The following SLC4A8 variants were observed in gnomAD, a reference collection of about 807,000 sequenced individuals.
SLC4A8 encodes the protein solute carrier family 4 member 8, also known as electroneutral sodium bicarbonate exchanger 1.
In SLC4A8, 40 loss-of-function variants were observed where a neutral mutation model predicts 125.0. The observed-to-expected ratio is 0.32, with a 90% CI of 0.25 to 0.42. The LOEUF (loss-of-function observed/expected upper bound fraction) is 0.42. Among genes scored for constraint, SLC4A8 ranks in the 10% least tolerant of loss-of-function variants. SLC4A8 has a pLI of 1.00. For missense variants in SLC4A8, 863 were observed against 1,355.1 expected, an observed-to-expected ratio of 0.64 and a Z score of 5.70; for synonymous variants, 456 against 476.0, an observed-to-expected ratio of 0.96 and a Z score of 0.55.
At chr12:51,408,999 G>A (rs1948545672) in intron 1 of SLC4A8, among the ~76,000 whole-genome samples, 1 of 151,386 alleles carries the variant, frequency 6.6e-6, no homozygotes, top group Admixed American at 6.6e-5. Context: ...GAAATTTAAA[G>A]ATGAGTGAAA....
intron 2 of SLC4A8, among the ~76,000 whole-genome samples, chr12:51,447,816 A>G (rs1005238500): frequency 2.7e-5 from 4 of 148,438 alleles, no homozygotes; most frequent in Admixed American, 2.1e-4. Flanking sequence ...GCCCAGGTTC[A>G]TGCCATTCTC....
intron 2 of SLC4A8, among the ~76,000 whole-genome samples, chr12:51,449,961 C>A (rs1949908612): frequency 6.6e-6 from 1 of 151,978 alleles, no homozygotes; most frequent in Non-Finnish European, 1.5e-5. Flanking sequence ...CCCAGGAGTT[C>A]AAGGCTACAG....
chr12:51,413,052 C>G (rs879591711), intron 1 of SLC4A8, among the ~76,000 whole-genome samples: 8 of 152,192 alleles, frequency 5.3e-5, no homozygotes, highest in Non-Finnish European at 1.2e-4. Flanking sequence ...TAAGAGTTCC[C>G]TTTTCCCTGC....
At chr12:51,472,852 T>C (rs1293128448) in intron 14 of SLC4A8, among the ~76,000 whole-genome samples, 1 of 152,232 alleles carries the variant, frequency 6.6e-6, no homozygotes, top group Non-Finnish European at 1.5e-5. Context: ...TAAATGATTT[T>C]ATGTTAATAT....
upstream of SLC4A8, chr12:51,420,074 G>C (rs1304251935): frequency 1.3e-5 from 2 of 152,172 alleles, no homozygotes; most frequent in African/African-American, 4.8e-5. Flanking sequence ...GCTTGACAAA[G>C]AATCTCTCTC....
At chr12:51,392,874 G>A (rs1427448098) in intron 1 of SLC4A8, 1 of 152,234 alleles carries the variant, frequency 6.6e-6, no homozygotes, top group Non-Finnish European at 1.5e-5. Context: ...CAACAGAGAA[G>A]GAGCGCGCAT....
intron 1 of SLC4A8, among the ~76,000 whole-genome samples, chr12:51,436,304 A>T (rs1300993800): frequency 1.3e-5 from 2 of 152,174 alleles, no homozygotes; most frequent in African/African-American, 4.8e-5. Flanking sequence ...GATCTTTTAA[A>T]ATTCTTCTTT....
At chr12:51,393,053 A>C (rs200272929) in intron 1 of SLC4A8, among the ~76,000 whole-genome samples, 1 of 145,626 alleles carries the variant, frequency 6.9e-6, no homozygotes, top group African/African-American at 2.6e-5. Flanking sequence ...TTTCTTTCTT[A>C]CTCTCTCTGT....
At chr12:51,492,779 G>A (rs558755749) in intron 19 of SLC4A8, among the ~76,000 whole-genome samples, 17 of 152,064 alleles carry the variant, frequency 1.1e-4, no homozygotes, top group African/African-American at 3.9e-4. Context: ...CCTGTCAACC[G>A]ATCATCTAGG....
chr12:51,488,975 A>G, intron 18 of SLC4A8, 115 bp downstream of exon 18: 2 of 743,134 alleles, frequency 2.7e-6, no homozygotes, highest in Non-Finnish European at 4.4e-6. Context: ...AGAGGTTCAT[A>G]AGGGGTTTCC....
At chr12:51,500,750 T>G (rs372740535) in intron 22 of SLC4A8, among the ~76,000 whole-genome samples, 5 of 151,802 alleles carry the variant, frequency 3.3e-5, no homozygotes, top group East Asian at 1.9e-4. Flanking sequence ...GCAGTGGCGC[T>G]ATCTCGGCTC....
intron 1 of SLC4A8, among the ~76,000 whole-genome samples, chr12:51,402,345 C>A (rs1036353766): frequency 6.6e-6 from 1 of 152,136 alleles, no homozygotes; most frequent in Non-Finnish European, 1.5e-5. Flanking sequence ...GGAGAAGAAG[C>A]CCTGCTGTGC....
intron 1 of SLC4A8, chr12:51,425,363 C>T: frequency 8.6e-7 from 1 of 1,164,118 alleles, no homozygotes; most frequent in Non-Finnish European, 1.1e-6. Flanking sequence ...CGTCTGGCCT[C>T]GCGTTGTCCT....
intron 17 of SLC4A8, among the ~76,000 whole-genome samples, chr12:51,487,067 G>T (rs1208670079): frequency 6.6e-6 from 1 of 152,212 alleles, no homozygotes; most frequent in African/African-American, 2.4e-5. Flanking sequence ...GTTCCAAAGG[G>T]ATAGGCCTAA....
At chr12:51,481,228 A>T (rs1592255947) in intron 16 of SLC4A8, among the ~76,000 whole-genome samples, 2 of 151,796 alleles carry the variant, frequency 1.3e-5, no homozygotes, top group African/African-American at 4.8e-5. Flanking sequence ...TAGTGTCCCC[A>T]CCCCGTTTCT....
chr12:51,464,914 T>C (rs913037048), intron 11 of SLC4A8, among the ~76,000 whole-genome samples: 6 of 152,090 alleles, frequency 3.9e-5, no homozygotes, highest in African/African-American at 1.4e-4. Flanking sequence ...GAGAAGCATG[T>C]TTTCTGGTAG....
intron 1 of SLC4A8, among the ~76,000 whole-genome samples, chr12:51,427,064 G>C (rs1034570166): frequency 1.6e-4 from 25 of 151,726 alleles, no homozygotes; most frequent in Middle Eastern, 3.4e-3. Flanking sequence ...TCGGTCTCCG[G>C]AGTAGCTGCG....
rs896083276 is a variant in SLC4A8, at chr12:51,404,034, G to A, written c.-112+12546G>A. ...GCCTGGCACAGTGATCTCTGCCTTA[G>A]GGTAGACAAGGGAAGTAGGCTTCAC... On this transcript the variant is annotated intron_variant, in intron 1 of 24. Transcript: ENST00000358657. 2.0e-5 allele frequency among the ~76,000 whole-genome samples: 3 copies of A among 152,204 alleles called. No homozygotes were observed. The East Asian group carries it at 5.8e-4, about 29-fold the overall frequency.
chr12:51,468,223 T>C (rs1371063049), intron 11 of SLC4A8, among the ~76,000 whole-genome samples: 1 of 152,144 alleles, frequency 6.6e-6, no homozygotes, highest in Admixed American at 6.5e-5. Flanking sequence ...CTTAGGGATA[T>C]TTTGGTCTTG....
Sources: gnomAD v4.1 joint callset for allele counts (sites outside exome capture counted in the v4.1 genomes callset) on GRCh38, gnomAD v4.1.1 for gene constraint, MANE v1.5 for transcripts, NCBI Gene and HGNC (gene_info 2026-07-23, HGNC 2026-07-21) for gene names.